The following CTNNA3 variants were observed in gnomAD, a reference collection of about 807,000 sequenced individuals.
CTNNA3 encodes catenin alpha-3.
A neutral mutation model predicts 95.7 loss-of-function variants in CTNNA3; 76 were observed. The observed-to-expected ratio is 0.79, with a 90% CI of 0.66 to 0.96. The LOEUF (loss-of-function observed/expected upper bound fraction) is 0.96, where lower values mean the gene tolerates loss of function less well. Ranked by LOEUF, CTNNA3 falls within the 40% of genes least tolerant of loss-of-function variation. CTNNA3 has a pLI of 0.00. For missense variants in CTNNA3, 1,191 were observed against 1,089.8 expected (o/e 1.09, Z -1.31); for synonymous variants, 431 against 374.4 (o/e 1.15, Z -1.74).
intron 11 of CTNNA3, among the ~76,000 whole-genome samples, chr10:66,394,974 G>A (rs2092964363): frequency 6.6e-6 from 1 of 151,940 alleles, no homozygotes; most frequent in Admixed American, 6.6e-5. Context: ...AAGAATAAAT[G>A]AGTTGCTGAT....
intron 14 of CTNNA3, among the ~76,000 whole-genome samples, chr10:66,094,178 T>C (rs1038351534): frequency 6.6e-6 from 1 of 151,808 alleles, no homozygotes; most frequent in Non-Finnish European, 1.5e-5. Context: ...GGGGGCAGCG[T>C]AGGAATTGTG....
At chr10:66,850,155 T>C (rs1264659269) in intron 7 of CTNNA3, among the ~76,000 whole-genome samples, 1 of 152,142 alleles carries the variant, frequency 6.6e-6, no homozygotes, top group Admixed American at 6.6e-5. Context: ...AGAAATGTTG[T>C]CCAAAGTTAT....
chr10:66,550,774 C>A (rs1842190480), intron 10 of CTNNA3, among the ~76,000 whole-genome samples: 1 of 150,008 alleles, frequency 6.7e-6, no homozygotes, highest in Non-Finnish European at 1.5e-5. Flanking sequence ...TACTGGCTGA[C>A]TTTTTTTTAA....
chr10:67,715,895 A>G (rs550022893), intron 1 of CTNNA3, among the ~76,000 whole-genome samples: 1 of 152,244 alleles, frequency 6.6e-6, no homozygotes, highest in African/African-American at 2.4e-5. Flanking sequence ...TTAAATGCAG[A>G]TTTAGTTCTT....
At chr10:67,262,436 G>C (rs1866658234) in intron 5 of CTNNA3, among the ~76,000 whole-genome samples, 1 of 152,092 alleles carries the variant, frequency 6.6e-6, no homozygotes, top group Non-Finnish European at 1.5e-5. Flanking sequence ...TGAAAGGGGA[G>C]GAAAGCTTAT....
At chr10:67,145,930 A>G (rs1296824961) in intron 7 of CTNNA3, among the ~76,000 whole-genome samples, 3 of 152,286 alleles carry the variant, frequency 2.0e-5, no homozygotes, top group Admixed American at 6.5e-5. Context: ...AGGTTAGGAA[A>G]AATGCCACTT....
intron 2 of CTNNA3, among the ~76,000 whole-genome samples, chr10:67,612,326 A>G (rs1048087106): frequency 6.6e-6 from 1 of 152,246 alleles, no homozygotes; most frequent in Non-Finnish European, 1.5e-5. Flanking sequence ...AACTGTTTAC[A>G]CTTATATAAG....
intron 9 of CTNNA3, among the ~76,000 whole-genome samples, chr10:66,633,629 G>A (rs1019248968): frequency 1.3e-4 from 20 of 151,884 alleles, no homozygotes; most frequent in African/African-American, 3.4e-4. Context: ...GCAGTGAGCC[G>A]AGATCCTGCC....
intron 11 of CTNNA3, among the ~76,000 whole-genome samples, chr10:66,517,357 C>T (rs979921455): frequency 6.6e-6 from 1 of 152,112 alleles, no homozygotes; most frequent in Non-Finnish European, 1.5e-5. Context: ...TTAATGCATT[C>T]TAAGTCACAG....
intron 12 of CTNNA3, among the ~76,000 whole-genome samples, chr10:66,374,969 T>G (rs2092784860): frequency 6.6e-6 from 1 of 152,036 alleles, no homozygotes; most frequent in Admixed American, 6.6e-5. Context: ...GAGCATATAC[T>G]TGTCTGGGAT....
At chr10:67,653,106 C>A (rs757411290) in intron 1 of CTNNA3, among the ~76,000 whole-genome samples, 21 of 152,166 alleles carry the variant, frequency 1.4e-4, no homozygotes, top group African/African-American at 2.2e-4. Context: ...TCTAGGGAGG[C>A]CTCAGGGAGC....
At chr10:66,281,122 T>C (rs10822790) in intron 12 of CTNNA3, among the ~76,000 whole-genome samples, 28,065 of 151,736 alleles carry the variant, frequency 0.18, 2,880 homozygotes, top group Admixed American at 0.27. Flanking sequence ...ATAAAAATAT[T>C]GTAAACTTCC....
At chr10:67,560,005 G>C (rs564340594) in intron 3 of CTNNA3, among the ~76,000 whole-genome samples, 1 of 152,164 alleles carries the variant, frequency 6.6e-6, no homozygotes, top group African/African-American at 2.4e-5. Context: ...CCAAATCTAC[G>C]TCTGATTGGT....
chr10:66,873,488 C>A (rs1472192746), intron 7 of CTNNA3, among the ~76,000 whole-genome samples: 1 of 149,580 alleles, frequency 6.7e-6, no homozygotes, highest in African/African-American at 2.5e-5. Context: ...CTTTTTTTTT[C>A]ATGTTTGTTG....
chr10:66,064,510 C>G (rs2133583543), intron 15 of CTNNA3, among the ~76,000 whole-genome samples: 1 of 152,312 alleles, frequency 6.6e-6, no homozygotes, highest in Admixed American at 6.5e-5. Context: ...AGGTCACACA[C>G]TTGGGATCTC....
chr10:66,170,577 A>G (rs1416479776), intron 13 of CTNNA3, among the ~76,000 whole-genome samples: 1 of 152,128 alleles, frequency 6.6e-6, no homozygotes, highest in African/African-American at 2.4e-5. Context: ...ACTTGGAAAG[A>G]GAGATATACA....
At chr10:66,901,413 T>C (rs1029982972) in intron 7 of CTNNA3, among the ~76,000 whole-genome samples, 2 of 152,182 alleles carry the variant, frequency 1.3e-5, no homozygotes, top group African/African-American at 4.8e-5. Flanking sequence ...TACCAGCCAC[T>C]GCAAAAACAT....
chr10:67,223,237 G>C (rs1864738796), intron 5 of CTNNA3, among the ~76,000 whole-genome samples: 1 of 152,180 alleles, frequency 6.6e-6, no homozygotes, highest in African/African-American at 2.4e-5. Flanking sequence ...TAGTAAATAG[G>C]CACACAGATA....
chr10:65,973,072 G>T (rs1375759218), intron 16 of CTNNA3, among the ~76,000 whole-genome samples: 1 of 152,110 alleles, frequency 6.6e-6, no homozygotes, highest in Non-Finnish European at 1.5e-5. Context: ...AAAACCATCT[G>T]ATCTTTGACA....
Sources: gnomAD v4.1 joint callset for allele counts (sites outside exome capture counted in the v4.1 genomes callset) on GRCh38, gnomAD v4.1.1 for gene constraint, MANE v1.5 for transcripts, NCBI Gene and HGNC (gene_info 2026-07-23, HGNC 2026-07-21) for gene names.